The following SUGCT variants were observed in gnomAD, a reference collection of about 807,000 sequenced individuals.
SUGCT encodes the protein succinyl-CoA:glutarate CoA-transferase.
A neutral mutation model predicts 55.0 loss-of-function variants in SUGCT; 41 were observed. That is an observed-to-expected ratio of 0.74 (90% CI 0.58 to 0.97). The LOEUF (loss-of-function observed/expected upper bound fraction) is 0.97, where lower values mean the gene tolerates loss of function less well. SUGCT is among the 50% of genes least tolerant of loss of function. SUGCT has a pLI of 0.00. For synonymous variants in SUGCT, 187 were observed against 200.4 expected (o/e 0.93, Z 0.56); for missense variants, 568 against 547.8 (o/e 1.04, Z -0.37).
At chr7:40,798,338 CTT>C (rs1234398822) in intron 13 of SUGCT, among the ~76,000 whole-genome samples, 6 of 152,144 alleles carry the variant, frequency 3.9e-5, no homozygotes, top group African/African-American at 1.4e-4. Context: ...AACTCTGGCT[CTT>C]TTGATACAAA....
At chr7:40,601,402 A>T (rs1417855224) in intron 12 of SUGCT, among the ~76,000 whole-genome samples, 4 of 152,216 alleles carry the variant, frequency 2.6e-5, no homozygotes, top group African/African-American at 9.7e-5. Context: ...CCTTGCCACA[A>T]ATCTTTGAGG....
chr7:40,757,328 C>T (rs185944698), intron 13 of SUGCT, among the ~76,000 whole-genome samples: 29 of 152,278 alleles, frequency 1.9e-4, no homozygotes, highest in Non-Finnish European at 3.4e-4. Context: ...CTATGCTTAT[C>T]TGTGGCATGA....
At chr7:40,847,411 C>CTTTTTTTTTTTTTTTTT (rs981613426) in intron 13 of SUGCT, among the ~76,000 whole-genome samples, 6 of 75,386 alleles carry the variant, frequency 8.0e-5, no homozygotes, top group Non-Finnish European at 1.3e-4. Context: ...TTCTTTCTTT[C>CTTTTTTTTTTTTTTTTT]TTTTTTTTTT....
At chr7:40,147,486 G>A (rs866742415) in intron 1 of SUGCT, among the ~76,000 whole-genome samples, 5 of 152,280 alleles carry the variant, frequency 3.3e-5, no homozygotes, top group Middle Eastern at 3.4e-3. Flanking sequence ...TGTCCCTGCG[G>A]TTTCTCTCTC....
Position 40,201,041 on chromosome 7 carries a change from G to A in SUGCT, c.484+5981G>A, listed in dbSNP as rs544410608. ...TCTGTGTGTGTGTGTTCTTATTTTC[G>A]GCATATTCACCACATAACTATAGCT... On this transcript the variant is annotated intron_variant, in intron 6 of 13. Transcript: ENST00000335693. 4.6e-5 allele frequency among the ~76,000 whole-genome samples: 7 copies of A among 151,982 alleles called. No individual in the cohort carries two copies. In the East Asian group the frequency reaches 5.8e-4, roughly 13 times the overall value.
the SUGCT span, among the ~76,000 whole-genome samples, chr7:40,889,510 G>A: frequency 1.1e-4 from 16 of 152,116 alleles, no homozygotes; most frequent in Non-Finnish European, 1.8e-4. Context: ...GCCTGATCAT[G>A]AGCCTTAGCT....
intron 13 of SUGCT, among the ~76,000 whole-genome samples, chr7:40,777,557 T>C (rs1414916940): frequency 1.3e-5 from 2 of 152,082 alleles, no homozygotes; most frequent in African/African-American, 2.4e-5. Flanking sequence ...AAGAAGAATG[T>C]CCAAATTGCT....
chr7:40,181,335 T>A (rs1373158955), intron 2 of SUGCT, among the ~76,000 whole-genome samples: 3 of 152,194 alleles, frequency 2.0e-5, no homozygotes, highest in Non-Finnish European at 2.9e-5. Flanking sequence ...AATTAATATA[T>A]CGATGTCACA....
At chr7:40,527,749 TC>T (rs1213047714) in intron 12 of SUGCT, among the ~76,000 whole-genome samples, 6 of 152,234 alleles carry the variant, frequency 3.9e-5, no homozygotes, top group Non-Finnish European at 2.9e-5. Context: ...TGTAATTTTT[TC>T]ATTAGATGAT....
chr7:40,516,494 A>C (rs1793238739), intron 12 of SUGCT, among the ~76,000 whole-genome samples: 1 of 152,112 alleles, frequency 6.6e-6, no homozygotes, highest in African/African-American at 2.4e-5. Flanking sequence ...TCAAGTCTCT[A>C]GTCCATTTTG....
At chr7:40,546,989 T>C (rs1795026168) in intron 12 of SUGCT, 1 of 152,210 alleles carries the variant, frequency 6.6e-6, no homozygotes, top group Admixed American at 6.5e-5. Context: ...GGAGACTTAA[T>C]GTAATAAGAG....
intron 12 of SUGCT, among the ~76,000 whole-genome samples, chr7:40,545,646 G>A (rs1794946386): frequency 6.6e-6 from 1 of 152,236 alleles, no homozygotes; most frequent in Non-Finnish European, 1.5e-5. Context: ...GAAAGTAAGA[G>A]TTGGTTTGTG....
chr7:40,925,942 G>A, the SUGCT span, among the ~76,000 whole-genome samples: 2 of 151,950 alleles, frequency 1.3e-5, no homozygotes, highest in Admixed American at 1.3e-4. Context: ...AAAAATCCAA[G>A]AATTATCCAG....
At chr7:40,634,886 T>A (rs1236282502) in intron 12 of SUGCT, among the ~76,000 whole-genome samples, 1 of 152,192 alleles carries the variant, frequency 6.6e-6, no homozygotes, top group Non-Finnish European at 1.5e-5. Flanking sequence ...CAATAACTCA[T>A]CACAAATCTT....
At chr7:40,592,278 C>G (rs571308764) in intron 12 of SUGCT, among the ~76,000 whole-genome samples, 2 of 152,182 alleles carry the variant, frequency 1.3e-5, no homozygotes, top group East Asian at 3.9e-4. Flanking sequence ...GGATGAGGTC[C>G]CATTGTCTCT....
intron 1 of SUGCT, among the ~76,000 whole-genome samples, chr7:40,156,017 C>T (rs1377207457): frequency 3.3e-5 from 5 of 152,098 alleles, no homozygotes; most frequent in African/African-American, 7.2e-5. Context: ...CCACCATGCC[C>T]GGCTAATTTT....
At chr7:40,584,859 G>C (rs1797294467) in intron 12 of SUGCT, among the ~76,000 whole-genome samples, 1 of 152,056 alleles carries the variant, frequency 6.6e-6, no homozygotes, top group South Asian at 2.1e-4. Context: ...GACTTCCCAG[G>C]GTATCTTAAC....
rs1212076452 is a variant in SUGCT, at chr7:40,798,729, C to T, written c.1153+49232C>T. 2.9e-5 allele frequency among the ~76,000 whole-genome samples: 4 copies of T among 140,216 alleles called. No homozygotes were observed. In the East Asian group the frequency reaches 8.6e-4, roughly 30 times the overall value. 92.0% of individuals were successfully genotyped at this position (140,216 alleles called of 152,430 possible). A position where few individuals can be genotyped will look rare whatever the true frequency, so the allele number is the denominator to read the frequency against. ...AACTTTCTGAGCATTATAATCCCTA[C>T]TGTAAGTGCAGGAAGTGATATATTT... On this transcript the variant is annotated intron_variant, in intron 13 of 13. Coordinates refer to ENST00000335693, the MANE Select transcript of SUGCT (RefSeq NM_001193313.2).
chr7:40,194,593 A>T (rs1584309581), intron 5 of SUGCT, among the ~76,000 whole-genome samples: 1 of 152,344 alleles, frequency 6.6e-6, no homozygotes, highest in East Asian at 1.9e-4. Context: ...AAGGTTTAAA[A>T]AATGTTTTTC....
Sources: allele counts gnomAD v4.1 joint callset (sites outside exome capture counted in the v4.1 genomes callset), GRCh38; gene constraint gnomAD v4.1.1; transcripts MANE v1.5; gene names NCBI Gene and HGNC (gene_info 2026-07-23, HGNC 2026-07-21).